The following CACNA2D3 variants were observed in gnomAD, a reference collection of about 807,000 sequenced individuals.
CACNA2D3 encodes voltage-dependent calcium channel subunit alpha-2/delta-3.
Under a neutral mutation model 160.6 loss-of-function variants are expected in CACNA2D3, and 60 were observed. The ratio of observed to expected loss-of-function variants is 0.37; its 90% CI spans 0.30 to 0.46. CACNA2D3 has a LOEUF of 0.46. Among genes scored for constraint, CACNA2D3 ranks in the 20% least tolerant of loss-of-function variants. The pLI is 1.00. For synonymous variants in CACNA2D3, 558 were observed against 492.9 expected (o/e 1.13, Z -1.75); for missense variants, 1,205 against 1,365.0 (o/e 0.88, Z 1.85).
rs77875113 is a variant in CACNA2D3 at position 54,626,108 on chromosome 3, G to A, written c.964-1679G>A. On this transcript the variant is annotated intron_variant, in intron 9 of 37. Transcript: ENST00000474759. The stretch of plus-strand genomic sequence containing the variant: ...AGTTTCCCCAGCGGACAAAAGTGGG[G>A]ATGCCTTTGGGGAGAAAATAATCCA... 652 of 595,858 alleles carry A rather than the reference G, an allele frequency of 1.1e-3. 10 individuals are homozygous for A. Among genetic ancestry groups the A allele is most frequent in the East Asian group, 0.011 (378 of 35,704 alleles). 36.9% of individuals were successfully genotyped at this position (595,858 alleles called of 1,614,324 possible).
At chr3:54,327,318 A>G (rs979049772) in intron 3 of CACNA2D3, among the ~76,000 whole-genome samples, 1 of 152,222 alleles carries the variant, frequency 6.6e-6, no homozygotes, top group Non-Finnish European at 1.5e-5. Context: ...GATGACTTGT[A>G]TGTGTAATTT....
At chr3:54,777,985 A>AGT (rs1362326767) in intron 13 of CACNA2D3, among the ~76,000 whole-genome samples, 1 of 152,240 alleles carries the variant, frequency 6.6e-6, no homozygotes, top group African/African-American at 2.4e-5. Flanking sequence ...TGCTGGCTTA[A>AGT]GTAGGATCAC....
At chr3:54,244,327 A>G (rs1702029807) in intron 2 of CACNA2D3, among the ~76,000 whole-genome samples, 1 of 152,240 alleles carries the variant, frequency 6.6e-6, no homozygotes, top group South Asian at 2.1e-4. Context: ...TTGAAAAAGG[A>G]CATTTCCCCC....
At chr3:54,591,682 G>A (rs189475880) in intron 9 of CACNA2D3, among the ~76,000 whole-genome samples, 7 of 151,494 alleles carry the variant, frequency 4.6e-5, no homozygotes, top group Admixed American at 4.6e-4. Flanking sequence ...GATTGTGGGT[G>A]AAATTATCTG....
intron 13 of CACNA2D3, among the ~76,000 whole-genome samples, chr3:54,795,120 A>G (rs1025689203): frequency 5.9e-5 from 9 of 151,544 alleles, no homozygotes; most frequent in Admixed American, 1.3e-4. Context: ...TATTGTTTCT[A>G]TTGCTGTGTC....
At chr3:54,812,348 C>T (rs1277405580) in intron 13 of CACNA2D3, among the ~76,000 whole-genome samples, 1 of 152,080 alleles carries the variant, frequency 6.6e-6, no homozygotes, top group Non-Finnish European at 1.5e-5. Context: ...GGAAGGCCTG[C>T]GAAAAGAGCA....
chr3:54,619,514 C>T (rs989740897), intron 9 of CACNA2D3, among the ~76,000 whole-genome samples: 12 of 152,192 alleles, frequency 7.9e-5, no homozygotes, highest in Non-Finnish European at 1.6e-4. Context: ...TAATTTGGCA[C>T]TGGCATTAAA....
chr3:54,336,560 A>C (rs1056970688), intron 3 of CACNA2D3, among the ~76,000 whole-genome samples: 1 of 152,186 alleles, frequency 6.6e-6, no homozygotes, highest in African/African-American at 2.4e-5. Flanking sequence ...TAATAGTTAC[A>C]TGAAATTTAC....
intron 14 of CACNA2D3, among the ~76,000 whole-genome samples, chr3:54,822,790 C>CTTTCCTTTCTTTCTTTCTTTCTTTCTTT (rs1491160047): frequency 4.2e-5 from 3 of 71,912 alleles, no homozygotes; most frequent in African/African-American, 1.2e-4. Flanking sequence ...TTCTTTCTTT[C>CTTTCCTTTCTTTCTTTCTTTCTTTCTTT]CTTTCTTTCT....
intron 4 of CACNA2D3, among the ~76,000 whole-genome samples, chr3:54,417,682 A>G (rs1183048637): frequency 3.3e-5 from 5 of 152,068 alleles, no homozygotes; most frequent in Non-Finnish European, 7.4e-5. Context: ...GAAGCAGGTA[A>G]ATTCCAAGGA....
chr3:54,245,352 C>T (rs75167375), intron 2 of CACNA2D3, among the ~76,000 whole-genome samples: 9 of 151,180 alleles, frequency 6.0e-5, no homozygotes, highest in Non-Finnish European at 1.0e-4. Context: ...AGAGAGAGTG[C>T]GAGAGAATGA....
chr3:54,262,006 G>T (rs910369649), intron 2 of CACNA2D3, among the ~76,000 whole-genome samples: 25 of 152,156 alleles, frequency 1.6e-4, no homozygotes, highest in Non-Finnish European at 3.7e-4. Context: ...CCTGGGGGCT[G>T]TGAATGCAGT....
intron 2 of CACNA2D3, among the ~76,000 whole-genome samples, chr3:54,282,741 T>C (rs1185781580): frequency 6.6e-6 from 1 of 152,180 alleles, no homozygotes; most frequent in Non-Finnish European, 1.5e-5. Context: ...TTACAAGTTG[T>C]GATAAGTATT....
intron 17 of CACNA2D3, among the ~76,000 whole-genome samples, chr3:54,860,571 C>T (rs1016103713): frequency 6.6e-6 from 1 of 152,170 alleles, no homozygotes; most frequent in Non-Finnish European, 1.5e-5. Flanking sequence ...AGGGAAGATT[C>T]ATTTGAGCGT....
In CACNA2D3 at chr3:54,142,592, GTGATGATGATGA is replaced by G. The variant is rs929085038; in HGVS notation, c.204+19009_204+19020del. Among the ~76,000 whole-genome samples, 49 of 152,084 alleles carry G rather than the reference GTGATGATGATGA, an allele frequency of 3.2e-4. No individual in the cohort carries two copies. In the East Asian group the frequency reaches 8.1e-3, roughly 25 times the overall value. The stretch of plus-strand genomic sequence containing the variant: ...CTCCTTAGGGCAAAGCCTGATGATG[GTGATGATGATGA>G]TGATGATGATACACTACTACTTGTT... On this transcript the variant is annotated intron_variant, in intron 2 of 37. Transcript: ENST00000474759.
In CACNA2D3 at chr3:54,809,311, C is replaced by CTTTTTTTTTTTTTTTTTTTTTTTT. The variant is rs1217898723; in HGVS notation, c.1381-7524_1381-7523insTTTTTTTTTTTTTTTTTTTTTTTT. On this transcript the variant is annotated intron_variant, in intron 13 of 37. Transcript: ENST00000474759. The stretch of plus-strand genomic sequence containing the variant: ...TCTTTCTTTCCTTCCTTCCTTCTTT[C>CTTTTTTTTTTTTTTTTTTTTTTTT]TTTTTTTTTTTTTTTTTTGAGACGG... 5.6e-4 allele frequency among the ~76,000 whole-genome samples: 45 copies of CTTTTTTTTTTTTTTTTTTTTTTTT among 80,722 alleles called. 2 individuals are homozygous for CTTTTTTTTTTTTTTTTTTTTTTTT. Among genetic ancestry groups the CTTTTTTTTTTTTTTTTTTTTTTTT allele is most frequent in the African/African-American group, 9.5e-4 (16 of 16,826 alleles). 53.0% of individuals were successfully genotyped at this position (80,722 alleles called of 152,430 possible).
At chr3:54,736,107 ATGTATATATATACATATATATATG>A (rs1701519159) in intron 11 of CACNA2D3, among the ~76,000 whole-genome samples, 12 of 21,312 alleles carry the variant, frequency 5.6e-4, no homozygotes, top group African/African-American at 1.1e-3. Context: ...ATACATATAT[ATGTATATATATACATATATATATG>A]TATATATATA....
chr3:54,428,834 C>G (rs1348083426), intron 4 of CACNA2D3, among the ~76,000 whole-genome samples: 3 of 151,052 alleles, frequency 2.0e-5, no homozygotes, highest in Non-Finnish European at 3.0e-5. Context: ...CATAATTTAT[C>G]TAGTTACTGT....
intron 14 of CACNA2D3, among the ~76,000 whole-genome samples, chr3:54,817,731 G>T (rs975429784): frequency 6.6e-6 from 1 of 152,176 alleles, no homozygotes; most frequent in Non-Finnish European, 1.5e-5. Flanking sequence ...GAGCACAACT[G>T]CTCTACTAAA....
Sources: allele counts gnomAD v4.1 joint callset (sites outside exome capture counted in the v4.1 genomes callset), GRCh38; gene constraint gnomAD v4.1.1; transcripts MANE v1.5; gene names NCBI Gene and HGNC (gene_info 2026-07-23, HGNC 2026-07-21).